CNGA1: variants seen among roughly 807,000 people sequenced by gnomAD.
CNGA1 encodes the protein cyclic nucleotide-gated channel alpha-1.
In CNGA1, 53 loss-of-function variants were observed where a neutral mutation model predicts 69.7. The observed-to-expected ratio is 0.76, with a 90% confidence interval of 0.61 to 0.96. The LOEUF is 0.96. Among genes scored for constraint, CNGA1 ranks in the 40% least tolerant of loss-of-function variants. CNGA1 has a pLI of 0.00. For missense variants in CNGA1, 739 were observed against 811.2 expected, an observed-to-expected ratio of 0.91 and a Z score of 1.08; for synonymous variants, 249 against 283.5, an observed-to-expected ratio of 0.88 and a Z score of 1.22.
At chr4:47,991,689 T>A (rs1023515652) in intron 2 of CNGA1, among the ~76,000 whole-genome samples, 3 of 152,216 alleles carry the variant, frequency 2.0e-5, no homozygotes, top group Admixed American at 6.5e-5. Context: ...CAACTATTTA[T>A]CTTTGTTTTT....
At chr4:47,970,722 C>G (rs7689884) in intron 3 of CNGA1, among the ~76,000 whole-genome samples, 80,196 of 151,312 alleles carry the variant, frequency 0.53, 22,980 homozygotes, top group Non-Finnish European at 0.64. Context: ...CTGCCACAGT[C>G]TCAATCTCCC....
At chr4:47,938,963 AG>A (rs937080473) in intron 10 of CNGA1, among the ~76,000 whole-genome samples, 1 of 149,230 alleles carries the variant, frequency 6.7e-6, no homozygotes, top group Non-Finnish European at 1.5e-5. Flanking sequence ...AGGGAGGGAA[AG>A]AAAGAAAGAA....
At chr4:47,943,891 T>C (rs1027418956) in intron 6 of CNGA1, among the ~76,000 whole-genome samples, 2 of 152,214 alleles carry the variant, frequency 1.3e-5, no homozygotes, top group African/African-American at 2.4e-5. Flanking sequence ...TCTGGTAATA[T>C]GGTGGAATCT....
rs199646833 is a variant in CNGA1, at chr4:47,992,439, A to AAAAC, written c.-122-10940_-122-10939insGTTT. ...TTTTTTTGCAGCTATTGTAAAAAAA[A>AAAAC]GTTTGAGTTCTTGATTTGATTCTCA... On this transcript the variant is annotated intron_variant, in intron 2 of 10. Transcript: ENST00000514170. Among the ~76,000 whole-genome samples the AAAAC allele has an allele frequency of 2.6e-5, 4 of 151,862 alleles. No homozygotes were observed. The East Asian group carries it at 7.8e-4, about 29-fold the overall frequency.
intron 2 of CNGA1, among the ~76,000 whole-genome samples, chr4:47,983,130 T>C (rs1223785469): frequency 6.6e-6 from 1 of 152,194 alleles, no homozygotes; most frequent in Non-Finnish European, 1.5e-5. Context: ...TACTCTTCAT[T>C]ATGTACCTCT....
chr4:47,976,050 A>T lies in CNGA1; in HGVS notation c.-15+5343T>A, dbSNP rs375422129. 6.6e-4 allele frequency among the ~76,000 whole-genome samples: 99 copies of T among 150,312 alleles called. No individual in the cohort carries two copies. In the East Asian group the frequency reaches 0.012, roughly 18 times the overall value. ...GATGACAGGTGTTTTGGAAAGTCTT[A>T]AAAAAAAGTCCATGAAATCAATTGT... On this transcript the variant is annotated intron_variant, in intron 3 of 10. Coordinates refer to ENST00000514170, the MANE Select transcript of CNGA1 (RefSeq NM_001379270.1).
chr4:47,986,964 G>A (rs925101644), intron 2 of CNGA1, among the ~76,000 whole-genome samples: 7 of 148,572 alleles, frequency 4.7e-5, no homozygotes, highest in African/African-American at 7.6e-5. Context: ...AAGTTTAAAA[G>A]GATAAGAGTA....
At chr4:47,956,146 TA>T (rs1402447336) in intron 3 of CNGA1, among the ~76,000 whole-genome samples, 1 of 152,226 alleles carries the variant, frequency 6.6e-6, no homozygotes, top group African/African-American at 2.4e-5. Context: ...TTTAGTCAAT[TA>T]AATGCATTTG....
chr4:47,976,686 T>C (rs544958510), intron 3 of CNGA1, among the ~76,000 whole-genome samples: 2 of 152,320 alleles, frequency 1.3e-5, no homozygotes, highest in Admixed American at 6.5e-5. Context: ...ATATTTTCAC[T>C]TGCAAACAAT....
chr4:47,990,342 C>T (rs896914167), intron 2 of CNGA1, among the ~76,000 whole-genome samples: 1 of 152,086 alleles, frequency 6.6e-6, no homozygotes, highest in African/African-American at 2.4e-5. Context: ...TAGATGGCCA[C>T]TCTGGGAGTG....
At chr4:47,986,355 G>A (rs536221718) in intron 2 of CNGA1, among the ~76,000 whole-genome samples, 7 of 151,714 alleles carry the variant, frequency 4.6e-5, no homozygotes, top group African/African-American at 1.5e-4. Context: ...GCAGTAAGCC[G>A]AGATTGCACC....
Position 47,937,497 on chromosome 4 carries a change from C to G in CNGA1, c.985G>C (p.Val329Leu). 6.2e-7 allele frequency: 1 copy of G among 1,614,134 alleles called. No homozygotes were observed. The highest frequency in any genetic ancestry group is 8.5e-7 in the Non-Finnish European group (1 of 1,180,006). ...KAIGFGNDTWVYPDINDPEFG... is the reference protein window; with the variant it reads ...KAIGFGNDTWLYPDINDPEFG... ...TCAGGATCATTAATATCAGGGTAGA[C>G]CCATGTATCATTTCCAAATCCAATA... The change falls in exon 11 of 11, where the codon GTC becomes CTC. Residue 329 changes from valine (V) to leucine (L), a missense_variant. Transcript: ENST00000514170.
chr4:47,942,754 G>A (rs1338025496), intron 8 of CNGA1, among the ~76,000 whole-genome samples: 3 of 152,042 alleles, frequency 2.0e-5, no homozygotes, highest in Admixed American at 6.5e-5. Flanking sequence ...TGTGATCTGC[G>A]CGTGCAAGGG....
intron 2 of CNGA1, among the ~76,000 whole-genome samples, chr4:47,983,328 C>T (rs983294216): frequency 5.3e-5 from 8 of 152,050 alleles, no homozygotes; most frequent in Non-Finnish European, 8.8e-5. Flanking sequence ...TCGTGGCTCA[C>T]GCCTGTAATC....
At chr4:47,971,135 A>AG in intron 3 of CNGA1, 1 of 451,870 alleles carries the variant, frequency 2.2e-6, no homozygotes, top group East Asian at 7.0e-5. Flanking sequence ...TACCATTTGT[A>AG]GGAAATATAC....
intron 2 of CNGA1, among the ~76,000 whole-genome samples, chr4:47,984,492 C>T (rs947994078): frequency 6.6e-6 from 1 of 151,698 alleles, no homozygotes; most frequent in Non-Finnish European, 1.5e-5. Flanking sequence ...GTGGTGCACG[C>T]CTGTAATCCC....
At chr4:47,998,086 A>G (rs1410694998) in intron 2 of CNGA1, among the ~76,000 whole-genome samples, 1 of 152,228 alleles carries the variant, frequency 6.6e-6, no homozygotes, top group African/African-American at 2.4e-5. Flanking sequence ...GAAGTATGGC[A>G]TTAGAGAAAT....
At chr4:47,996,252 C>A (rs1013043156) in intron 2 of CNGA1, among the ~76,000 whole-genome samples, 7 of 152,096 alleles carry the variant, frequency 4.6e-5, no homozygotes, top group African/African-American at 1.7e-4. Flanking sequence ...GTCCTCCAGC[C>A]CTCAGCATGA....
At chr4:47,954,676 C>T (rs1163657730) in intron 3 of CNGA1, among the ~76,000 whole-genome samples, 1 of 152,216 alleles carries the variant, frequency 6.6e-6, no homozygotes, top group Non-Finnish European at 1.5e-5. Context: ...TGGCCTTGAT[C>T]ACCTAGGCGT....
Sources: allele counts gnomAD v4.1 joint callset (sites outside exome capture counted in the v4.1 genomes callset), GRCh38; gene constraint gnomAD v4.1.1; transcripts MANE v1.5; gene names NCBI Gene and HGNC (gene_info 2026-07-23, HGNC 2026-07-21).